Variants in PLXNA2 observed in about 807,000 individuals in gnomAD.
PLXNA2 encodes the protein plexin A2, also known as plexin-A2.
PLXNA2 carries 91 observed loss-of-function variants against 193.5 expected under a neutral mutation model. The ratio of observed to expected loss-of-function variants is 0.47; its 90% CI spans 0.40 to 0.56. The LOEUF (loss-of-function observed/expected upper bound fraction) is 0.56, where lower values mean the gene tolerates loss of function less well. Ranked by LOEUF, PLXNA2 falls within the 20% of genes least tolerant of loss-of-function variation. The pLI is 0.00. For synonymous variants in PLXNA2, 997 were observed against 1,027.3 expected, an observed-to-expected ratio of 0.97 and a Z score of 0.56; for missense variants, 1,995 against 2,503.2, an observed-to-expected ratio of 0.80 and a Z score of 4.33.
intron 9 of PLXNA2, among the ~76,000 whole-genome samples, chr1:208,085,064 A>T (rs1217403766): frequency 6.7e-6 from 1 of 149,196 alleles, no homozygotes. Context: ...CCTCCCAGCA[A>T]TACTCTAAAC....
intron 2 of PLXNA2, among the ~76,000 whole-genome samples, chr1:208,211,422 G>T (rs999563016): frequency 6.6e-6 from 1 of 152,284 alleles, no homozygotes; most frequent in Non-Finnish European, 1.5e-5. Flanking sequence ...GGCCGGGCAC[G>T]GTGGCTCACG....
intron 12 of PLXNA2, among the ~76,000 whole-genome samples, chr1:208,070,912 G>A (rs1223104016): frequency 2.0e-5 from 3 of 152,118 alleles, no homozygotes; most frequent in Admixed American, 1.3e-4. Flanking sequence ...GTTAGCTGAG[G>A]TCCAAAGGAA....
intron 3 of PLXNA2, among the ~76,000 whole-genome samples, chr1:208,163,634 T>A (rs1669204551): frequency 6.6e-6 from 1 of 152,222 alleles, no homozygotes; most frequent in African/African-American, 2.4e-5. Flanking sequence ...AAATATTGCT[T>A]CCCCAGGAAG....
Position 208,218,831 on chromosome 1 carries a change from G to C in PLXNA2, c.-80-829C>G, listed in dbSNP as rs113959994. On this transcript the variant is annotated intron_variant, in intron 1 of 31. Transcript: ENST00000367033. ...TGCTGCCAGGTAGCCAGGTCCTCGG[G>C]AAATTGCTTCAACCTCTGCCTCTCT... Among the ~76,000 whole-genome samples, 478 of 152,328 alleles carry C rather than the reference G, an allele frequency of 3.1e-3. 2 individuals carry two copies. Among genetic ancestry groups the C allele is most frequent in the Middle Eastern group, 0.01 (3 of 294 alleles).
At chr1:208,080,369 G>A (rs1041707586) in intron 11 of PLXNA2, among the ~76,000 whole-genome samples, 4 of 152,084 alleles carry the variant, frequency 2.6e-5, no homozygotes, top group East Asian at 3.8e-4. Context: ...TATAACCAGC[G>A]AATTAGTGAA....
intron 3 of PLXNA2, among the ~76,000 whole-genome samples, chr1:208,155,060 T>C (rs1273553998): frequency 6.6e-6 from 1 of 152,200 alleles, no homozygotes; most frequent in African/African-American, 2.4e-5. Flanking sequence ...CCTCCTCCTC[T>C]GTCCTTTCCA....
At chr1:208,054,375 G>C (rs776020914) in intron 14 of PLXNA2, 46 bp downstream of exon 14, 1 of 1,318,984 alleles carries the variant, frequency 7.6e-7, no homozygotes, top group Non-Finnish European at 1.1e-6. Context: ...GAGCATGTGT[G>C]TCTCCTCCCT....
chr1:208,059,530 G>A (rs1217770370), intron 13 of PLXNA2, among the ~76,000 whole-genome samples: 1 of 152,174 alleles, frequency 6.6e-6, no homozygotes, highest in Non-Finnish European at 1.5e-5. Context: ...GCTACACACT[G>A]ATTCGTGGAA....
intron 8 of PLXNA2, among the ~76,000 whole-genome samples, chr1:208,093,479 C>T (rs1354975097): frequency 6.6e-6 from 1 of 152,196 alleles, no homozygotes; most frequent in African/African-American, 2.4e-5. Flanking sequence ...ACATTCCTGT[C>T]TATGCCACAG....
chr1:208,049,265 C>T (rs1378357030), intron 17 of PLXNA2, among the ~76,000 whole-genome samples: 1 of 151,184 alleles, frequency 6.6e-6, no homozygotes, highest in African/African-American at 2.4e-5. Flanking sequence ...ACCTGAATAA[C>T]AATAAAACCT....
chr1:208,163,296 TA>T (rs1207153634), intron 3 of PLXNA2, among the ~76,000 whole-genome samples: 3 of 152,056 alleles, frequency 2.0e-5, no homozygotes, highest in Non-Finnish European at 2.9e-5. Flanking sequence ...TTAAATGATA[TA>T]AAAAATGTGA....
In PLXNA2 at chr1:208,083,213, C is replaced by T. The variant is rs141371108; in HGVS notation, c.2299-705G>A. ...CAGACCTCATCAGCCCACAGCTTTC[C>T]GGGCACAGATCTCATCAGCCCTATC... On this transcript the variant is annotated intron_variant, in intron 10 of 31. Transcript: ENST00000367033. 5.3e-5 allele frequency among the ~76,000 whole-genome samples: 8 copies of T among 152,284 alleles called. No individual in the cohort carries two copies. The South Asian group carries it at 1.5e-3, about 28-fold the overall frequency.
chr1:208,189,384 C>A (rs1197262906), intron 3 of PLXNA2, among the ~76,000 whole-genome samples: 2 of 152,000 alleles, frequency 1.3e-5, no homozygotes, highest in Non-Finnish European at 2.9e-5. Context: ...AGGGCCTGGG[C>A]TGAGCTATAC....
At chr1:208,187,633 G>A (rs544850185) in intron 3 of PLXNA2, among the ~76,000 whole-genome samples, 27 of 152,340 alleles carry the variant, frequency 1.8e-4, no homozygotes, top group Admixed American at 6.5e-4. Flanking sequence ...ATGCGAAGAC[G>A]TCTGCAAGGT....
intron 1 of PLXNA2, among the ~76,000 whole-genome samples, chr1:208,232,697 T>C (rs1440004055): frequency 6.6e-6 from 1 of 152,140 alleles, no homozygotes; most frequent in East Asian, 1.9e-4. Flanking sequence ...TGCTCCTGCT[T>C]GTAGAGGGAG....
chr1:208,067,121 G>T (rs1400759194), intron 12 of PLXNA2, among the ~76,000 whole-genome samples: 1 of 152,096 alleles, frequency 6.6e-6, no homozygotes, highest in East Asian at 1.9e-4. Context: ...GAGGCAGGCG[G>T]ATCACCTGAG....
At chr1:208,111,497 CGCA>C (rs978740150) in intron 4 of PLXNA2, among the ~76,000 whole-genome samples, 106 of 152,270 alleles carry the variant, frequency 7.0e-4, no homozygotes, top group Non-Finnish European at 1.3e-3. Flanking sequence ...GGGTAGTGGC[CGCA>C]GCAGAAGTTT....
At chr1:208,195,220 G>T (rs1281075198) in intron 3 of PLXNA2, among the ~76,000 whole-genome samples, 2 of 152,240 alleles carry the variant, frequency 1.3e-5, no homozygotes, top group African/African-American at 4.8e-5. Flanking sequence ...AGAAAATGAT[G>T]CCAAAGCTCA....
chr1:208,120,910 G>C (rs1195864440), intron 4 of PLXNA2, among the ~76,000 whole-genome samples: 1 of 152,148 alleles, frequency 6.6e-6, no homozygotes, highest in Admixed American at 6.5e-5. Context: ...AAAAGGGGCA[G>C]GGTGAAAAGT....
Sources: gnomAD v4.1 joint callset for allele counts (sites outside exome capture counted in the v4.1 genomes callset) on GRCh38, gnomAD v4.1.1 for gene constraint, MANE v1.5 for transcripts, NCBI Gene and HGNC (gene_info 2026-07-23, HGNC 2026-07-21) for gene names.